The following LRRC7 variants were observed in gnomAD, a reference collection of about 807,000 sequenced individuals.
LRRC7 encodes the protein leucine rich repeat containing 7, also known as leucine-rich repeat-containing protein 7.
In LRRC7, 23 loss-of-function variants were observed where a neutral mutation model predicts 175.7. The ratio of observed to expected loss-of-function variants is 0.13; its 90% CI spans 0.09 to 0.19. LRRC7 has a LOEUF of 0.19. Among genes scored for constraint, LRRC7 ranks in the 10% least tolerant of loss-of-function variants. The pLI is 1.00. For missense variants in LRRC7, 1,354 were observed against 1,904.7 expected (o/e 0.71, Z 5.38); for synonymous variants, 685 against 680.9 (o/e 1.01, Z -0.09).
chr1:69,866,653 T>G (rs1202251444), intron 7 of LRRC7, among the ~76,000 whole-genome samples: 2 of 152,162 alleles, frequency 1.3e-5, no homozygotes, highest in Admixed American at 1.3e-4. Flanking sequence ...ATAAAAATCA[T>G]AGCAATAAGC....
chr1:69,757,128 G>A (rs536162084), intron 2 of LRRC7, among the ~76,000 whole-genome samples: 13 of 151,998 alleles, frequency 8.6e-5, no homozygotes, highest in African/African-American at 3.1e-4. Flanking sequence ...AAAGGTGTGA[G>A]GACAAGTAGA....
intron 7 of LRRC7, among the ~76,000 whole-genome samples, chr1:69,857,665 C>T (rs1455906160): frequency 1.3e-5 from 2 of 152,078 alleles, no homozygotes; most frequent in South Asian, 2.1e-4. Context: ...GAATCAATAT[C>T]GTAAAAATGG....
intron 7 of LRRC7, among the ~76,000 whole-genome samples, chr1:69,905,121 T>C (rs1263967053): frequency 1.3e-5 from 2 of 152,158 alleles, no homozygotes; most frequent in African/African-American, 4.8e-5. Flanking sequence ...TCCATGTCTT[T>C]ACTTTTGTGA....
chr1:69,703,697 T>C (rs1315482389), intron 2 of LRRC7, among the ~76,000 whole-genome samples: 1 of 152,002 alleles, frequency 6.6e-6, no homozygotes, highest in Non-Finnish European at 1.5e-5. Context: ...TCATAAGTTG[T>C]TTAAGTATGT....
intron 22 of LRRC7, among the ~76,000 whole-genome samples, chr1:70,046,032 T>C (rs1399383770): frequency 1.3e-5 from 2 of 152,086 alleles, no homozygotes; most frequent in Non-Finnish European, 2.9e-5. Context: ...AAAAATTGAA[T>C]TTCAAAATTC....
intron 24 of LRRC7, among the ~76,000 whole-genome samples, chr1:70,087,782 C>T (rs1484778809): frequency 2.0e-5 from 3 of 152,126 alleles, no homozygotes; most frequent in Admixed American, 6.6e-5. Flanking sequence ...ATAAAAATCA[C>T]ATTAGTGCAT....
intron 8 of LRRC7, among the ~76,000 whole-genome samples, chr1:69,975,417 C>T (rs1367305745): frequency 6.6e-6 from 1 of 152,154 alleles, no homozygotes; most frequent in Non-Finnish European, 1.5e-5. Context: ...ACCATAAATT[C>T]TAATTTTTCC....
rs1478021179 is a variant in LRRC7, at chr1:70,023,043, AAG to A, written c.1546-78_1546-77del. ...AATGCATAACTCAGAGTGAAAGAAAAAGAGAGTAGAAAAATGATAAAGTGAAA... is the reference window on the plus strand; with the variant it reads ...AATGCATAACTCAGAGTGAAAGAAAAAGAGTAGAAAAATGATAAAGTGAAA... On this transcript the variant is annotated intron_variant, in intron 16 of 26. Transcript: ENST00000651989. 30 of 1,383,946 alleles carry A rather than the reference AAG, an allele frequency of 2.2e-5. No individual in the cohort carries two copies. The African/African-American group carries it at 4.2e-4, about 19-fold the overall frequency. 85.7% of individuals were successfully genotyped at this position (1,383,946 alleles called of 1,614,324 possible).
At chr1:69,930,176 C>T (rs1292018767) in intron 7 of LRRC7, among the ~76,000 whole-genome samples, 1 of 152,054 alleles carries the variant, frequency 6.6e-6, no homozygotes, top group Non-Finnish European at 1.5e-5. Context: ...TTCTTCCCTG[C>T]TGAATGTAAA....
At position 70,101,444 on chromosome 1, in the gene LRRC7, A is replaced by G. The variant is rs1014340435; in HGVS notation, c.4546-6308A>G. On this transcript the variant is annotated intron_variant, in intron 25 of 26. Coordinates refer to ENST00000651989, the MANE Select transcript of LRRC7 (RefSeq NM_001370785.2). ...TAAGACAAGTTCTATTTTGGTATCT[A>G]CATTTACAATGGCTGAGACTGTCAC... Among the ~76,000 whole-genome samples the G allele has an allele frequency of 9.2e-4, 140 of 152,316 alleles. 2 individuals carry two copies. Among genetic ancestry groups the G allele is most frequent in the African/African-American group, 3.1e-3 (130 of 41,578 alleles).
intron 4 of LRRC7, among the ~76,000 whole-genome samples, chr1:69,796,804 A>C (rs1238536906): frequency 6.6e-6 from 1 of 151,972 alleles, no homozygotes; most frequent in Admixed American, 6.5e-5. Context: ...CAAAAAAAAA[A>C]CAAAAAACAA....
chr1:70,094,548 C>T (rs1032956813), intron 25 of LRRC7, among the ~76,000 whole-genome samples: 2 of 152,114 alleles, frequency 1.3e-5, no homozygotes, highest in Non-Finnish European at 2.9e-5. Context: ...ATTTACATTA[C>T]ATTTAAATTA....
At chr1:69,934,494 CGGGGGG>C (rs573858643) in intron 8 of LRRC7, among the ~76,000 whole-genome samples, 745 of 46,562 alleles carry the variant, frequency 0.016, 10 homozygotes, top group African/African-American at 0.054. Flanking sequence ...GATATTTTGG[CGGGGGG>C]GGGGCGGGGG....
At chr1:69,862,276 C>G (rs1684435453) in intron 7 of LRRC7, among the ~76,000 whole-genome samples, 1 of 152,156 alleles carries the variant, frequency 6.6e-6, no homozygotes, top group Non-Finnish European at 1.5e-5. Context: ...ACGTGGAAAA[C>G]TGGTAGTGTG....
chr1:69,796,666 C>T (rs894745384), intron 4 of LRRC7, among the ~76,000 whole-genome samples: 12 of 152,016 alleles, frequency 7.9e-5, no homozygotes, highest in Admixed American at 3.3e-4. Flanking sequence ...TGGTGGCACA[C>T]GCCTATAATC....
In LRRC7 at chr1:70,143,176, T is replaced by C. The variant is rs2102295372; in HGVS notation, c.*21289T>C. On this transcript the variant is annotated 3_prime_UTR_variant, in exon 27 of 27. Coordinates refer to ENST00000651989, the MANE Select transcript of LRRC7 (RefSeq NM_001370785.2). ...GTGATACAACTTTGGGTCGCTATTT[T>C]AGTAAAATGAAGAGTCTCTAGACTT... is the stretch of plus-strand genomic sequence containing the variant. 1 of 151,982 alleles carries C rather than the reference T, an allele frequency of 6.6e-6. No individual in the cohort carries two copies. Among genetic ancestry groups the C allele is most frequent in the East Asian group, 1.9e-4 (1 of 5,164 alleles). 9.4% of individuals were successfully genotyped at this position (151,982 alleles called of 1,614,324 possible). A position where few individuals can be genotyped will look rare whatever the true frequency, so the allele number is the denominator to read the frequency against.
chr1:69,627,165 G>A (rs1260015434), intron 1 of LRRC7, among the ~76,000 whole-genome samples: 2 of 152,238 alleles, frequency 1.3e-5, no homozygotes, highest in Middle Eastern at 3.4e-3. Context: ...TTCCATAATG[G>A]TTGAACTAGT....
At position 70,134,956 on chromosome 1, in the gene LRRC7, CTTCT is replaced by C. The variant is rs758933044; in HGVS notation, c.*13070_*13073del. Among the ~76,000 whole-genome samples, 3 of 151,964 alleles carry C rather than the reference CTTCT, an allele frequency of 2.0e-5. No individual in the cohort carries two copies. The highest frequency in any genetic ancestry group is 6.6e-5 in the Admixed American group (1 of 15,262). On this transcript the variant is annotated 3_prime_UTR_variant, in exon 27 of 27. Transcript: ENST00000651989. ...ATGTTCTATTTCATCTTTTTTATTC[CTTCT>C]ATTTTCCATAACCTTTTAATGATAG...
At chr1:69,798,294 A>G (rs1020730259) in intron 4 of LRRC7, among the ~76,000 whole-genome samples, 3 of 152,114 alleles carry the variant, frequency 2.0e-5, no homozygotes, top group African/African-American at 7.2e-5. Context: ...GACTCTATTT[A>G]CATTATTTCC....
Sources: gnomAD v4.1 joint callset for allele counts (sites outside exome capture counted in the v4.1 genomes callset) on GRCh38, gnomAD v4.1.1 for gene constraint, MANE v1.5 for transcripts, NCBI Gene and HGNC (gene_info 2026-07-23, HGNC 2026-07-21) for gene names.